The following CTNNA3 variants were observed in gnomAD, a reference collection of about 807,000 sequenced individuals.
CTNNA3 encodes catenin alpha-3.
A neutral mutation model predicts 95.7 loss-of-function variants in CTNNA3; 76 were observed. The ratio of observed to expected loss-of-function variants is 0.79; its 90% CI spans 0.66 to 0.96. The LOEUF (loss-of-function observed/expected upper bound fraction) is 0.96, where lower values mean the gene tolerates loss of function less well. Among genes scored for constraint, CTNNA3 ranks in the 40% least tolerant of loss-of-function variants. CTNNA3 has a pLI of 0.00. For missense variants in CTNNA3, 1,191 were observed against 1,089.8 expected, an observed-to-expected ratio of 1.09 and a Z score of -1.31; for synonymous variants, 431 against 374.4, an observed-to-expected ratio of 1.15 and a Z score of -1.74.
chr10:67,349,297 C>A (rs1325967563), intron 5 of CTNNA3, among the ~76,000 whole-genome samples: 1 of 152,030 alleles, frequency 6.6e-6, no homozygotes, highest in African/African-American at 2.4e-5. Context: ...AATGTGGAAA[C>A]AATCTAAATG....
intron 14 of CTNNA3, among the ~76,000 whole-genome samples, chr10:66,094,882 A>G (rs1450369957): frequency 3.3e-5 from 5 of 152,140 alleles, no homozygotes; most frequent in Admixed American, 3.3e-4. Flanking sequence ...TACTTAGAAG[A>G]GAGTAAAACC....
At chr10:66,788,613 A>G (rs982830395) in intron 7 of CTNNA3, among the ~76,000 whole-genome samples, 12 of 152,200 alleles carry the variant, frequency 7.9e-5, no homozygotes, top group African/African-American at 2.9e-4. Context: ...AGCTGAGGAT[A>G]TTAACTCCTC....
chr10:67,056,340 TA>T (rs1855427350), intron 7 of CTNNA3, among the ~76,000 whole-genome samples: 1 of 152,194 alleles, frequency 6.6e-6, no homozygotes, highest in African/African-American at 2.4e-5. Context: ...CAGTTACTTC[TA>T]TGCATAATTG....
chr10:67,124,321 G>A (rs1244846377), intron 7 of CTNNA3, among the ~76,000 whole-genome samples: 2 of 143,934 alleles, frequency 1.4e-5, no homozygotes, highest in Non-Finnish European at 3.0e-5. Flanking sequence ...CTGCGTGTAG[G>A]GGTGTGTTAG....
intron 13 of CTNNA3, among the ~76,000 whole-genome samples, chr10:66,168,154 T>C (rs1375740367): frequency 6.6e-6 from 1 of 152,182 alleles, no homozygotes; most frequent in African/African-American, 2.4e-5. Flanking sequence ...TATATAACTG[T>C]GAGCTGTCTA....
chr10:66,086,489 A>T (rs967309702), intron 14 of CTNNA3, among the ~76,000 whole-genome samples: 7 of 151,948 alleles, frequency 4.6e-5, no homozygotes, highest in Non-Finnish European at 8.8e-5. Context: ...GGGCATGCGA[A>T]TTTTTTTTAA....
chr10:67,535,326 A>G (rs1364007369), intron 4 of CTNNA3, among the ~76,000 whole-genome samples: 1 of 152,168 alleles, frequency 6.6e-6, no homozygotes, highest in Non-Finnish European at 1.5e-5. Flanking sequence ...ACATTTTTTC[A>G]TGAATAAATT....
chr10:67,309,527 A>G (rs1405223280), intron 5 of CTNNA3, among the ~76,000 whole-genome samples: 1 of 152,098 alleles, frequency 6.6e-6, no homozygotes, highest in Non-Finnish European at 1.5e-5. Context: ...AAATGAAGGG[A>G]GCTAATAAGA....
At position 65,981,981 on chromosome 10, in the gene CTNNA3, A is replaced by T. The variant is rs193248845; in HGVS notation, c.2265+6711T>A. On this transcript the variant is annotated intron_variant, in intron 16 of 17. Transcript: ENST00000433211. Reference sequence around the variant, plus strand: ...GAACCCAACAGCAAATGCAACAAAAACAAGGATAAATAGATGGTACTTAAT... The same window carrying T: ...GAACCCAACAGCAAATGCAACAAAATCAAGGATAAATAGATGGTACTTAAT... Among the ~76,000 whole-genome samples the T allele has an allele frequency of 2.9e-3, 435 of 151,950 alleles. 3 individuals carry two copies. Among genetic ancestry groups the T allele is most frequent in the African/African-American group, 9.0e-3 (372 of 41,534 alleles).
chr10:67,317,185 G>GT (rs1443401509), intron 5 of CTNNA3, among the ~76,000 whole-genome samples: 4 of 150,850 alleles, frequency 2.7e-5, no homozygotes, highest in East Asian at 3.9e-4. Context: ...TTTTCTTTTT[G>GT]TTTTTTTCTT....
intron 11 of CTNNA3, among the ~76,000 whole-genome samples, chr10:66,482,953 A>G (rs950065588): frequency 4.1e-4 from 62 of 152,180 alleles, no homozygotes; most frequent in African/African-American, 1.2e-3. Flanking sequence ...CAGGAAAGCT[A>G]AGCCCAATGG....
At chr10:67,226,933 A>G (rs1864946009) in intron 5 of CTNNA3, among the ~76,000 whole-genome samples, 1 of 152,218 alleles carries the variant, frequency 6.6e-6, no homozygotes. Flanking sequence ...GCTCGACTTA[A>G]AAGATACAGA....
intron 5 of CTNNA3, among the ~76,000 whole-genome samples, chr10:67,332,910 C>A (rs536761881): frequency 3.9e-5 from 6 of 152,092 alleles, no homozygotes; most frequent in African/African-American, 1.4e-4. Flanking sequence ...CCCCTGCATT[C>A]TTTATATGAC....
At chr10:67,667,628 G>C (rs1311887741) in intron 1 of CTNNA3, among the ~76,000 whole-genome samples, 2 of 151,988 alleles carry the variant, frequency 1.3e-5, no homozygotes, top group African/African-American at 4.8e-5. Flanking sequence ...TCCTTTAAAG[G>C]GGAATTCTAT....
At chr10:67,365,508 A>T (rs1458716478) in intron 5 of CTNNA3, among the ~76,000 whole-genome samples, 2 of 152,158 alleles carry the variant, frequency 1.3e-5, no homozygotes, top group Admixed American at 6.5e-5. Flanking sequence ...GAATCTAAAA[A>T]GAACTTAAAC....
Position 66,090,062 on chromosome 10 carries a change from G to A in CTNNA3, c.1977+13095C>T, listed in dbSNP as rs190953544. ...CGTGACTACATAATTGCAAGCAAAC[G>A]GATTTAGGCATCTGGTGTGATAACA... On this transcript the variant is annotated intron_variant, in intron 14 of 17. Transcript: ENST00000433211. Among the ~76,000 whole-genome samples, 4 of 152,018 alleles carry A rather than the reference G, an allele frequency of 2.6e-5. No homozygotes were observed. In the East Asian group the frequency reaches 7.7e-4, roughly 29 times the overall value.
chr10:66,147,457 GGT>G (rs2083946447), intron 13 of CTNNA3, among the ~76,000 whole-genome samples: 1 of 151,894 alleles, frequency 6.6e-6, no homozygotes, highest in Non-Finnish European at 1.5e-5. Context: ...ATTTTATCCA[GGT>G]GTTTTATGCA....
intron 3 of CTNNA3, among the ~76,000 whole-genome samples, chr10:67,592,853 G>A (rs190370210): frequency 1.3e-4 from 20 of 152,232 alleles, no homozygotes; most frequent in Admixed American, 1.3e-3. Context: ...GGGTACATGT[G>A]CAGATTTGTT....
At chr10:67,107,048 G>T (rs1858674003) in intron 7 of CTNNA3, among the ~76,000 whole-genome samples, 1 of 152,152 alleles carries the variant, frequency 6.6e-6, no homozygotes, top group African/African-American at 2.4e-5. Context: ...AATATCTCAA[G>T]GCAAAAGTGA....
Sources: allele counts gnomAD v4.1 joint callset (sites outside exome capture counted in the v4.1 genomes callset), GRCh38; gene constraint gnomAD v4.1.1; transcripts MANE v1.5; gene names NCBI Gene and HGNC (gene_info 2026-07-23, HGNC 2026-07-21).